MDGA2: variants seen among roughly 807,000 people sequenced by gnomAD.
MDGA2 encodes the protein MAM domain-containing glycosylphosphatidylinositol anchor protein 2.
Under a neutral mutation model 117.8 loss-of-function variants are expected in MDGA2, and 40 were observed. The ratio of observed to expected loss-of-function variants is 0.34; its 90% confidence interval spans 0.26 to 0.44. MDGA2 has a LOEUF of 0.44. Among genes scored for constraint, MDGA2 ranks in the 20% least tolerant of loss-of-function variants. The probability of loss-of-function intolerance (pLI) is 1.00; values close to 1 mark genes in which losing one functional copy is unlikely to be tolerated. For missense variants in MDGA2, 1,123 were observed against 1,250.6 expected (o/e 0.90, Z 1.54); for synonymous variants, 452 against 439.0 (o/e 1.03, Z -0.37).
chr14:47,012,622 A>T (rs928224382), intron 8 of MDGA2, among the ~76,000 whole-genome samples: 2 of 152,194 alleles, frequency 1.3e-5, no homozygotes, highest in African/African-American at 4.8e-5. Flanking sequence ...TATAGTGTTT[A>T]GCATAAAGTG....
At chr14:47,372,927 A>G (rs1208008853) in intron 1 of MDGA2, among the ~76,000 whole-genome samples, 1 of 151,986 alleles carries the variant, frequency 6.6e-6, no homozygotes, top group Non-Finnish European at 1.5e-5. Flanking sequence ...TTTGGCCTAG[A>G]GGAAAACTCA....
intron 1 of MDGA2, among the ~76,000 whole-genome samples, chr14:47,485,517 T>G (rs1288639546): frequency 6.6e-6 from 1 of 152,186 alleles, no homozygotes. Flanking sequence ...TCGAACCAGC[T>G]GCAGAAATTT....
At chr14:47,670,919 A>T (rs1324987232) in intron 1 of MDGA2, among the ~76,000 whole-genome samples, 1 of 152,182 alleles carries the variant, frequency 6.6e-6, no homozygotes, top group African/African-American at 2.4e-5. Flanking sequence ...ATATTGCCAA[A>T]TATATATGTC....
chr14:46,899,196 T>A (rs1038135344), intron 10 of MDGA2, among the ~76,000 whole-genome samples: 51 of 152,058 alleles, frequency 3.4e-4, no homozygotes, highest in African/African-American at 1.2e-3. Context: ...TACCAGGTAA[T>A]AGGTCAGGAG....
At chr14:47,139,720 A>G (rs1029402931) in intron 4 of MDGA2, among the ~76,000 whole-genome samples, 2 of 150,488 alleles carry the variant, frequency 1.3e-5, no homozygotes, top group Admixed American at 6.7e-5. Context: ...CAAGAAATCA[A>G]TAACATCTAA....
intron 3 of MDGA2, among the ~76,000 whole-genome samples, chr14:47,158,778 C>G (rs1883513698): frequency 6.6e-6 from 1 of 152,118 alleles, no homozygotes; most frequent in African/African-American, 2.4e-5. Context: ...ATTGCTAAAA[C>G]TTGTAGACAA....
chr14:46,860,952 T>A (rs1881482838), intron 14 of MDGA2, among the ~76,000 whole-genome samples: 1 of 151,988 alleles, frequency 6.6e-6, no homozygotes, highest in Non-Finnish European at 1.5e-5. Flanking sequence ...CCAGTTTTTA[T>A]TCTATGGAAT....
rs1363261397 is a variant in MDGA2 at position 46,884,111 on chromosome 14, C to T, written c.2239-1890G>A. 6.6e-6 allele frequency among the ~76,000 whole-genome samples: 1 copy of T among 152,062 alleles called. No individual in the cohort carries two copies. The highest frequency in any genetic ancestry group is 1.5e-5 in the Non-Finnish European group (1 of 68,016). ...TGTATAGATGTACCATTGTTTCTGA[C>T]ATGCTCCTAAGGTCATCAACAACAT... On this transcript the variant is annotated intron_variant, in intron 10 of 16. Transcript: ENST00000399232. This position sits in a 1 kb window ranked among gnomAD's most constrained non-coding sequence, Gnocchi z 4.1.
chr14:47,378,793 T>G (rs542421956), intron 1 of MDGA2, among the ~76,000 whole-genome samples: 27 of 152,248 alleles, frequency 1.8e-4, no homozygotes, highest in Admixed American at 9.2e-4. Flanking sequence ...AAAACACTCT[T>G]CAGGATATTA....
intron 1 of MDGA2, among the ~76,000 whole-genome samples, chr14:47,543,577 GT>G (rs2138760998): frequency 6.6e-6 from 1 of 152,288 alleles, no homozygotes; most frequent in East Asian, 1.9e-4. Context: ...CAATTTTCTA[GT>G]TTTTCCACAT....
Position 46,874,001 on chromosome 14 carries a change from A to G in MDGA2, c.2593+44T>C, listed in dbSNP as rs557986318. The G allele has an allele frequency of 3.5e-5, 51 of 1,467,030 alleles. No homozygotes were observed. In the South Asian group the frequency reaches 6.4e-4, roughly 18 times the overall value. 90.9% of individuals were successfully genotyped at this position (1,467,030 alleles called of 1,614,324 possible). A position where few individuals can be genotyped will look rare whatever the true frequency, so the allele number is the denominator to read the frequency against. ...TATTTCATATTTATAGCAGTTTTTAAAAGTCTCTGATTGCTATGAACACAA... is the reference window on the plus strand; with the variant it reads ...TATTTCATATTTATAGCAGTTTTTAGAAGTCTCTGATTGCTATGAACACAA... On this transcript the variant is annotated intron_variant, in intron 13 of 16. Coordinates refer to ENST00000399232, the MANE Select transcript of MDGA2 (RefSeq NM_001113498.3).
chr14:47,406,597 C>A, intron 1 of MDGA2, among the ~76,000 whole-genome samples: 1 of 151,964 alleles, frequency 6.6e-6, no homozygotes, highest in East Asian at 1.9e-4. Context: ...AAAGAATAGA[C>A]AGAAAGAGAC....
intron 1 of MDGA2, among the ~76,000 whole-genome samples, chr14:47,615,455 A>C (rs900076003): frequency 1.3e-5 from 2 of 151,816 alleles, no homozygotes; most frequent in African/African-American, 4.9e-5. Context: ...GCCCACATAC[A>C]CAACAATGTT....
At chr14:47,335,348 A>T (rs1025094158) in intron 1 of MDGA2, among the ~76,000 whole-genome samples, 6 of 150,138 alleles carry the variant, frequency 4.0e-5, no homozygotes, top group African/African-American at 1.5e-4. Context: ...AGATTGGGTC[A>T]GGGAATACTT....
intron 9 of MDGA2, among the ~76,000 whole-genome samples, chr14:46,944,675 T>C (rs1885111656): frequency 6.6e-6 from 1 of 152,000 alleles, no homozygotes. Context: ...GCTCTTTCAA[T>C]TTGTTTTCAA....
intron 1 of MDGA2, among the ~76,000 whole-genome samples, chr14:47,480,333 T>C (rs1893926101): frequency 6.6e-6 from 1 of 152,034 alleles, no homozygotes. Flanking sequence ...TGGATGACTA[T>C]TTTAATATGC....
intron 2 of MDGA2, among the ~76,000 whole-genome samples, chr14:47,239,220 A>AT (rs1418370289): frequency 7.9e-6 from 1 of 126,544 alleles, no homozygotes; most frequent in African/African-American, 2.8e-5. Flanking sequence ...GTCAAAATTT[A>AT]TTAAAAAAAA....
At chr14:47,541,237 A>T (rs957837120) in intron 1 of MDGA2, among the ~76,000 whole-genome samples, 2 of 152,190 alleles carry the variant, frequency 1.3e-5, no homozygotes, top group South Asian at 4.1e-4. Flanking sequence ...GACTTTTCAA[A>T]AGTGGAATAA....
intron 3 of MDGA2, among the ~76,000 whole-genome samples, chr14:47,208,401 G>C (rs1419634002): frequency 6.6e-6 from 1 of 151,818 alleles, no homozygotes; most frequent in African/African-American, 2.4e-5. Context: ...TTTACCTTCT[G>C]TGTGACTCAG....
Sources: gnomAD v4.1 joint callset for allele counts (sites outside exome capture counted in the v4.1 genomes callset) on GRCh38, gnomAD v4.1.1 for gene constraint, Gnocchi (gnomAD v3.1) non-coding constraint, MANE v1.5 for transcripts, NCBI Gene and HGNC (gene_info 2026-07-23, HGNC 2026-07-21) for gene names.